COL4A3: variants seen among roughly 807,000 people sequenced by gnomAD.
COL4A3 encodes collagen type IV alpha 3 chain.
A neutral mutation model predicts 217.4 loss-of-function variants in COL4A3; 135 were observed. That is an observed-to-expected ratio of 0.62 (90% CI 0.54 to 0.72). COL4A3 has a LOEUF of 0.72. COL4A3 is among the 30% of genes least tolerant of loss of function. COL4A3 has a pLI of 0.00. For synonymous variants in COL4A3, 690 were observed against 736.3 expected (o/e 0.94, Z 1.02); for missense variants, 1,868 against 2,119.9 (o/e 0.88, Z 2.33).
intron 37 of COL4A3, 69 bp downstream of exon 37, chr2:227,290,955 C>G: frequency 6.5e-7 from 1 of 1,533,002 alleles, no homozygotes; most frequent in Non-Finnish European, 8.8e-7. Context: ...TCAACAAGTA[C>G]CCAGATTCGG....
At chr2:227,239,620 T>C (rs185898170) in intron 2 of COL4A3, among the ~76,000 whole-genome samples, 133 of 152,356 alleles carry the variant, frequency 8.7e-4, no homozygotes, top group African/African-American at 3.1e-3. Context: ...CCACCCTTGC[T>C]ACCTTTCCTG....
chr2:227,302,507 T>C (rs1013801240), intron 43 of COL4A3, among the ~76,000 whole-genome samples: 3 of 151,824 alleles, frequency 2.0e-5, no homozygotes, highest in African/African-American at 7.3e-5. Context: ...CGAAACCCTG[T>C]CTCTACTCAA....
intron 20 of COL4A3, among the ~76,000 whole-genome samples, chr2:227,261,488 C>G (rs1298960253): frequency 1.3e-5 from 2 of 152,224 alleles, no homozygotes; most frequent in Non-Finnish European, 2.9e-5. Context: ...GATGGCACCA[C>G]TGCACTCCAG....
At chr2:227,173,161 G>A (rs888327095) in intron 1 of COL4A3, among the ~76,000 whole-genome samples, 1 of 151,946 alleles carries the variant, frequency 6.6e-6, no homozygotes, top group African/African-American at 2.4e-5. Context: ...AAGCTCGGTG[G>A]GTAAACTTAA....
rs2069735512 is a variant in COL4A3 at position 227,251,433 on chromosome 2, T to C, written c.645+62T>C. ...CCCTACTCAATCTCAAAGCCAAACC[T>C]GGTCTGCTTCTTCATGTGGGTCACT... is the stretch of plus-strand genomic sequence containing the variant. On this transcript the variant is annotated intron_variant, in intron 11 of 51. Transcript: ENST00000396578. The C allele has an allele frequency of 3.6e-5, 55 of 1,519,144 alleles. No homozygotes were observed. In the South Asian group the frequency reaches 5.9e-4, roughly 16 times the overall value. 94.1% of individuals were successfully genotyped at this position (1,519,144 alleles called of 1,614,324 possible). A position where few individuals can be genotyped will look rare whatever the true frequency, so the allele number is the denominator to read the frequency against.
At chr2:227,229,042 GT>G (rs1478915560) in intron 1 of COL4A3, among the ~76,000 whole-genome samples, 3 of 152,176 alleles carry the variant, frequency 2.0e-5, no homozygotes, top group Non-Finnish European at 2.9e-5. Context: ...ACTCACAGAG[GT>G]GAGGTGGCAG....
intron 1 of COL4A3, among the ~76,000 whole-genome samples, chr2:227,192,187 CA>C (rs1280017778): frequency 6.6e-6 from 1 of 152,162 alleles, no homozygotes; most frequent in African/African-American, 2.4e-5. Flanking sequence ...AAATTAATCC[CA>C]AACAATTATT....
intron 47 of COL4A3, 82 bp from the exon 48 acceptor site, chr2:227,307,628 A>G: frequency 7.8e-5 from 68 of 873,160 alleles, no homozygotes; most frequent in Middle Eastern, 2.3e-4. Flanking sequence ...AACATATATA[A>G]AATATATTTA....
chr2:227,228,404 C>T (rs759775028), intron 1 of COL4A3: 1 of 152,840 alleles, frequency 6.5e-6, no homozygotes, highest in East Asian at 1.9e-4. Flanking sequence ...TTTTCACACA[C>T]AAAAACTTTC....
intron 1 of COL4A3, among the ~76,000 whole-genome samples, chr2:227,236,663 A>ATTTTT (rs375943584): frequency 0.16 from 22,572 of 144,098 alleles, 1,970 homozygotes; most frequent in Admixed American, 0.2. Flanking sequence ...GTCAAAACAC[A>ATTTTT]TTTTTTCTTT....
intron 36 of COL4A3, 131 bp from the exon 37 acceptor site, chr2:227,290,616 G>T (rs1574805054): frequency 1.3e-6 from 1 of 743,652 alleles, no homozygotes; most frequent in South Asian, 1.7e-5. Flanking sequence ...ATCATCTATT[G>T]TAACTACCTG....
At chr2:227,177,275 G>A (rs569176708) in intron 1 of COL4A3, among the ~76,000 whole-genome samples, 1 of 150,708 alleles carries the variant, frequency 6.6e-6, no homozygotes, top group Non-Finnish European at 1.5e-5. Flanking sequence ...TCAGCCTCCT[G>A]AGTAGCTGGG....
Position 227,282,284 on chromosome 2 carries a change from ATAT to A in COL4A3, c.2489-80_2489-78del. 1 of 531,086 alleles carries A rather than the reference ATAT, an allele frequency of 1.9e-6. No individual in the cohort carries two copies. 32.9% of individuals were successfully genotyped at this position (531,086 alleles called of 1,614,324 possible). On this transcript the variant is annotated intron_variant, in intron 31 of 51. Coordinates refer to ENST00000396578, the MANE Select transcript of COL4A3 (RefSeq NM_000091.5). This position sits in a 1 kb window ranked among gnomAD's most constrained non-coding sequence, Gnocchi z 4.4. ...GAGATTCCATCTTAAAAATATATAT[ATAT>A]ATATATATATATATTTCTGAAGTTA...
At chr2:227,303,193 TAC>T (rs2073366521) in intron 44 of COL4A3, 83 bp downstream of exon 44, 1 of 1,185,496 alleles carries the variant, frequency 8.4e-7, no homozygotes. Flanking sequence ...TTTGCTGAAG[TAC>T]AGACAGCTGG....
At position 227,309,007 on chromosome 2, in the gene COL4A3, C is replaced by T. The variant is rs121912825; in HGVS notation, c.4571C>T (p.Ser1524Leu). 1.9e-6 allele frequency: 3 copies of T among 1,614,182 alleles called. No homozygotes were observed. In the South Asian group the frequency reaches 3.3e-5, roughly 18 times the overall value. ...ASRNDYSYWL[S>L]TPALMPMNMA... ...CGAAATGATTATTCATACTGGCTGT[C>T]AACACCAGCTCTGATGCCAATGAAC... The change falls in exon 49 of 52, where the codon TCA (serine) becomes TTA (leucine). Residue 1524 changes from serine to leucine, a missense_variant. Ser to Leu is a moderately radical substitution (Grantham distance 145). Around this residue, in one of 2 missense-constraint regions of COL4A3, gnomAD observed 1,503 missense variants for 1,786.1 expected, o/e 0.84. Coordinates refer to ENST00000396578, the MANE Select transcript of COL4A3 (RefSeq NM_000091.5).
chr2:227,264,108 T>G (rs1011488274), intron 21 of COL4A3, among the ~76,000 whole-genome samples, 164 bp downstream of exon 21: 13 of 152,204 alleles, frequency 8.5e-5, no homozygotes, highest in African/African-American at 3.1e-4. Flanking sequence ...TGAAAGAAAC[T>G]GATGCAATGA....
At chr2:227,186,142 T>C (rs2066024695) in intron 1 of COL4A3, among the ~76,000 whole-genome samples, 1 of 152,118 alleles carries the variant, frequency 6.6e-6, no homozygotes, top group Non-Finnish European at 1.5e-5. Context: ...ACCCTTGGGG[T>C]GGTGTTTGGA....
At position 227,250,520 on chromosome 2, in the gene COL4A3, A is replaced by AAT. The variant is rs201576405; in HGVS notation, c.547-607_547-606dup. ...AACACAGCAAGACCCAGTCTCTTAAAATATATATATATATTGCCTTCATAG... is the reference window on the plus strand; with the variant it reads ...AACACAGCAAGACCCAGTCTCTTAAAATATATATATATATATTGCCTTCATAG... On this transcript the variant is annotated intron_variant, in intron 9 of 51. Coordinates refer to ENST00000396578, the MANE Select transcript of COL4A3 (RefSeq NM_000091.5). This position sits in a 1 kb window ranked among gnomAD's most constrained non-coding sequence, Gnocchi z 4.1. Among the ~76,000 whole-genome samples the AAT allele has an allele frequency of 1.1e-4, 16 of 151,638 alleles. No homozygotes were observed. The highest frequency in any genetic ancestry group is 3.9e-4 in the East Asian group (2 of 5,178).
intron 2 of COL4A3, 31 bp downstream of exon 2, chr2:227,238,055 C>T (rs749676439): frequency 7.2e-7 from 1 of 1,387,596 alleles, no homozygotes; most frequent in East Asian, 2.3e-5. Context: ...TGCTTGTTTA[C>T]ACTGTAAAGC....
Sources: allele counts gnomAD v4.1 joint callset (sites outside exome capture counted in the v4.1 genomes callset), GRCh38; gene constraint gnomAD v4.1.1; regional missense constraint gnomAD v4.1.1; non-coding constraint Gnocchi (gnomAD v3.1); transcripts MANE v1.5; gene names NCBI Gene and HGNC (gene_info 2026-07-23, HGNC 2026-07-21).